The following SNX31 variants were observed in gnomAD, a reference collection of about 807,000 sequenced individuals.
The protein encoded by SNX31 is sorting nexin 31.
A neutral mutation model predicts 65.4 loss-of-function variants in SNX31; 58 were observed. That is an observed-to-expected ratio of 0.89 (90% CI 0.72 to 1.10). The LOEUF (loss-of-function observed/expected upper bound fraction) is 1.10. Ranked by LOEUF, SNX31 falls within the 50% of genes least tolerant of loss-of-function variation. The probability of loss-of-function intolerance (pLI) is 0.00; values close to 1 mark genes in which losing one functional copy is unlikely to be tolerated. For missense variants in SNX31, 523 were observed against 529.7 expected, an observed-to-expected ratio of 0.99 and a Z score of 0.12; for synonymous variants, 181 against 190.1, an observed-to-expected ratio of 0.95 and a Z score of 0.39.
rs574613390 is a variant in SNX31, at chr8:100,643,628, C to A, written c.141+5646G>T. Reference sequence around the variant, plus strand: ...CACCATGAACCTTGAGCGGGAGCAACCCCAGACTCAGGGAGATGAAGTGAC... The same window carrying A: ...CACCATGAACCTTGAGCGGGAGCAAACCCAGACTCAGGGAGATGAAGTGAC... On this transcript the variant is annotated intron_variant, in intron 2 of 13. Coordinates refer to ENST00000311812, the MANE Select transcript of SNX31 (RefSeq NM_152628.4). 3.9e-5 allele frequency among the ~76,000 whole-genome samples: 6 copies of A among 152,190 alleles called. No homozygotes were observed. In the South Asian group the frequency reaches 1.2e-3, roughly 32 times the overall value.
Position 100,594,136 on chromosome 8 carries a change from C to G in SNX31, c.978+2503G>C, listed in dbSNP as rs1814841746. Among the ~76,000 whole-genome samples, 1 of 151,946 alleles carries G rather than the reference C, an allele frequency of 6.6e-6. No homozygotes were observed. Among genetic ancestry groups the G allele is most frequent in the African/African-American group, 2.4e-5 (1 of 41,360 alleles). On this transcript the variant is annotated intron_variant, in intron 10 of 13. Coordinates refer to ENST00000311812, the MANE Select transcript of SNX31 (RefSeq NM_152628.4). The surrounding 1 kb of genome is among the most constrained non-coding windows in gnomAD (Gnocchi z 4.0). ...AGGACAACGTGGTGAAACCTCATCT[C>G]TACTAAAAATACAAAAAATTAGCCC...
At position 100,600,414 on chromosome 8, in the gene SNX31, C is replaced by T; in HGVS notation, c.709G>A (p.Ala237Thr). The change falls in exon 9 of 14, where the codon GCC (alanine) becomes ACC (threonine). Residue 237 changes from alanine (A) to threonine (T), a missense_variant. Coordinates refer to ENST00000311812, the MANE Select transcript of SNX31 (RefSeq NM_152628.4). ...QAIQDIEKGW[A>T]KPTQAQRQKL... ...TGCCTCTGTGCCTGTGTGGGTTTGG[C>T]CCATCCTTTTTCAATGTCCTGTATT... 6.2e-7 allele frequency: 1 copy of T among 1,613,486 alleles called. No homozygotes were observed. Among genetic ancestry groups the T allele is most frequent in the Non-Finnish European group, 8.5e-7 (1 of 1,179,742 alleles).
chr8:100,584,048 C>T, intron 12 of SNX31, 63 bp downstream of exon 12: 1 of 1,497,118 alleles, frequency 6.7e-7, no homozygotes, highest in South Asian at 1.2e-5. Flanking sequence ...GTAGTTTGGT[C>T]TCCAACTGTT....
At chr8:100,596,565 C>G (rs1288689588) in intron 10 of SNX31, 74 bp downstream of exon 10, 26 of 1,264,404 alleles carry the variant, frequency 2.1e-5, no homozygotes, top group Non-Finnish European at 2.8e-5. Flanking sequence ...ACCTGTCTCC[C>G]TAGTGTCAAC....
chr8:100,585,512 T>A lies in SNX31; in HGVS notation c.1093-1324A>T, dbSNP rs527784436. 3.3e-5 allele frequency among the ~76,000 whole-genome samples: 5 copies of A among 152,180 alleles called. No individual in the cohort carries two copies. In the South Asian group the frequency reaches 1.0e-3, roughly 32 times the overall value. On this transcript the variant is annotated intron_variant, in intron 11 of 13. Coordinates refer to ENST00000311812, the MANE Select transcript of SNX31 (RefSeq NM_152628.4). ...AGAGGGAAAATGGGCTACATACAGC[T>A]CTCAATGTCTTCCAGGGGTGTAGAG...
At position 100,578,237 on chromosome 8, in the gene SNX31, C is replaced by G. The variant is rs1052288672; in HGVS notation, c.1171-1162G>C. On this transcript the variant is annotated intron_variant, in intron 12 of 13. Coordinates refer to ENST00000311812, the MANE Select transcript of SNX31 (RefSeq NM_152628.4). The surrounding 1 kb of genome is among the most constrained non-coding windows in gnomAD (Gnocchi z 4.7). Reference sequence around the variant, plus strand: ...ACCTAGTAAACACCACCTAGCCAGGCTTTTTGGGGAAAGAGTTCTTAGACT... The same window carrying G: ...ACCTAGTAAACACCACCTAGCCAGGGTTTTTGGGGAAAGAGTTCTTAGACT... Among the ~76,000 whole-genome samples the G allele has an allele frequency of 2.0e-5, 3 of 152,098 alleles. No individual in the cohort carries two copies. The highest frequency in any genetic ancestry group is 7.2e-5 in the African/African-American group (3 of 41,416).
At chr8:100,581,852 G>A (rs1813587026) in intron 12 of SNX31, among the ~76,000 whole-genome samples, 1 of 152,154 alleles carries the variant, frequency 6.6e-6, no homozygotes, top group Non-Finnish European at 1.5e-5. Flanking sequence ...AGGGGGCCCA[G>A]CACTCAGGAT....
chr8:100,649,636 G>C lies in SNX31; in HGVS notation c.-122C>G. On this transcript the variant is annotated 5_prime_UTR_variant, in exon 1 of 14. Coordinates refer to ENST00000311812, the MANE Select transcript of SNX31 (RefSeq NM_152628.4). Reference sequence around the variant, plus strand: ...TGCCACGCGACTCAGAGCGAACCCCGGCGCCCGCTCTCGCCGGCCGGGGAC... The same window carrying C: ...TGCCACGCGACTCAGAGCGAACCCCCGCGCCCGCTCTCGCCGGCCGGGGAC... 1 of 960,038 alleles carries C rather than the reference G, an allele frequency of 1.0e-6. No individual in the cohort carries two copies. Among genetic ancestry groups the C allele is most frequent in the Non-Finnish European group, 1.5e-6 (1 of 665,108 alleles). The allele number at this position is 960,038 out of a possible 1,614,324, so 59.5% of individuals were successfully genotyped here. A position where few individuals can be genotyped will look rare whatever the true frequency, so the allele number is the denominator to read the frequency against.
In SNX31 at chr8:100,597,607, C is replaced by T. The variant is rs1227123134; in HGVS notation, c.775-765G>A. On this transcript the variant is annotated intron_variant, in intron 9 of 13. Coordinates refer to ENST00000311812, the MANE Select transcript of SNX31 (RefSeq NM_152628.4). ...TAGGAAGAAAAGTGGTTCATTTCTACAGGCTGCTTTATATGATGGTGGTAG... is the reference window on the plus strand; with the variant it reads ...TAGGAAGAAAAGTGGTTCATTTCTATAGGCTGCTTTATATGATGGTGGTAG... Among the ~76,000 whole-genome samples, 2 of 152,194 alleles carry T rather than the reference C, an allele frequency of 1.3e-5. 1 individual carries two copies. The highest frequency in any genetic ancestry group is 1.3e-4 in the Admixed American group (2 of 15,284).
At position 100,588,219 on chromosome 8, in the gene SNX31, T is replaced by C. The variant is rs7839889; in HGVS notation, c.1092+647A>G. ...ATTGACCAAAATGTTATGTACCACA[T>C]GAATGTATATGCAAATATTTCAAGA... On this transcript the variant is annotated intron_variant, in intron 11 of 13. Transcript: ENST00000311812. The surrounding 1 kb of genome is among the most constrained non-coding windows in gnomAD (Gnocchi z 4.8). Among the ~76,000 whole-genome samples the C allele has an allele frequency of 0.022, 3,418 of 152,264 alleles. 119 individuals are homozygous for C. The highest frequency in any genetic ancestry group is 0.076 in the African/African-American group (3,156 of 41,526).
At position 100,630,406 on chromosome 8, in the gene SNX31, C is replaced by T. The variant is rs7828775; in HGVS notation, c.257-15G>A. ...GTCCATGGTTACTGAAAAACATGGACGGTGAGCCAGGTTAGCATGGGCTGG... is the reference window on the plus strand; with the variant it reads ...GTCCATGGTTACTGAAAAACATGGATGGTGAGCCAGGTTAGCATGGGCTGG... On this transcript the variant is annotated splice_polypyrimidine_tract_variant and intron_variant, in intron 3 of 13. Coordinates refer to ENST00000311812, the MANE Select transcript of SNX31 (RefSeq NM_152628.4). This position sits in a 1 kb window ranked among gnomAD's most constrained non-coding sequence, Gnocchi z 5.3. 4.1e-3 allele frequency: 6,648 copies of T among 1,610,262 alleles called. 155 individuals carry two copies. In the African/African-American group the frequency reaches 0.059, roughly 14 times the overall value.
At chr8:100,584,017 T>C (rs1813794785) in intron 12 of SNX31, 94 bp downstream of exon 12, 4 of 1,113,426 alleles carry the variant, frequency 3.6e-6, no homozygotes, top group Middle Eastern at 1.9e-4. Flanking sequence ...CTAGACCTGC[T>C]GGCTCAGGGA....
In SNX31 at chr8:100,622,823, A is replaced by G. The variant is rs1817792952; in HGVS notation, c.322-5093T>C. The stretch of plus-strand genomic sequence containing the variant: ...AGAGAATATTAAGGCTAAAGCCTCC[A>G]ATGTTTTGTTTGATGTCGCAGTACT... On this transcript the variant is annotated intron_variant, in intron 4 of 13. Coordinates refer to ENST00000311812, the MANE Select transcript of SNX31 (RefSeq NM_152628.4). The surrounding 1 kb of genome is among the most constrained non-coding windows in gnomAD (Gnocchi z 5.0). Among the ~76,000 whole-genome samples the G allele has an allele frequency of 6.6e-6, 1 of 151,890 alleles. No homozygotes were observed.
At chr8:100,587,400 A>C (rs572348507) in intron 11 of SNX31, among the ~76,000 whole-genome samples, 3 of 152,280 alleles carry the variant, frequency 2.0e-5, no homozygotes, top group African/African-American at 7.2e-5. Flanking sequence ...ACAGTCAAAA[A>C]CCAGATGTAC....
At chr8:100,611,907 G>A in intron 7 of SNX31, 93 bp downstream of exon 7, 6 of 957,024 alleles carry the variant, frequency 6.3e-6, no homozygotes, top group Non-Finnish European at 9.9e-6. Flanking sequence ...CAGCTGTCAG[G>A]CTATGAGCAG....
At chr8:100,623,770 T>A (rs1817859243) in intron 4 of SNX31, among the ~76,000 whole-genome samples, 1 of 152,140 alleles carries the variant, frequency 6.6e-6, no homozygotes, top group Non-Finnish European at 1.5e-5. Flanking sequence ...TCTCCTTCTC[T>A]ACCGGCTCCT....
chr8:100,652,743 C>T (rs189582163), upstream of SNX31, among the ~76,000 whole-genome samples: 14 of 152,188 alleles, frequency 9.2e-5, no homozygotes, highest in South Asian at 2.1e-4. Context: ...GAACTTTCCA[C>T]GTCTCCTGAG....
At chr8:100,641,466 G>A (rs1819171309) in intron 2 of SNX31, among the ~76,000 whole-genome samples, 2 of 141,256 alleles carry the variant, frequency 1.4e-5, no homozygotes, top group South Asian at 4.7e-4. Context: ...CTGAGCTGGA[G>A]ACTTCAAGGC....
intron 2 of SNX31, among the ~76,000 whole-genome samples, chr8:100,640,154 T>G (rs917880360): frequency 1.9e-4 from 28 of 150,530 alleles, no homozygotes; most frequent in African/African-American, 6.4e-4. Flanking sequence ...GGAGACAGAG[T>G]CTTGCTCTTG....
Sources: allele counts gnomAD v4.1 joint callset (sites outside exome capture counted in the v4.1 genomes callset), GRCh38; gene constraint gnomAD v4.1.1; non-coding constraint Gnocchi (gnomAD v3.1); transcripts MANE v1.5; gene names NCBI Gene and HGNC (gene_info 2026-07-23, HGNC 2026-07-21).